SPPL2B: variants seen among roughly 807,000 people sequenced by gnomAD.
SPPL2B encodes the protein signal peptide peptidase-like 2B.
In SPPL2B, 39 loss-of-function variants were observed where a neutral mutation model predicts 59.7. The ratio of observed to expected loss-of-function variants is 0.65; its 90% CI spans 0.51 to 0.85. The LOEUF is 0.85. SPPL2B is among the 40% of genes least tolerant of loss of function. The pLI, the probability that SPPL2B is intolerant of heterozygous loss-of-function variation, is 0.00. For synonymous variants in SPPL2B, 419 were observed against 370.8 expected, an observed-to-expected ratio of 1.13 and a Z score of -1.49; for missense variants, 865 against 849.0, an observed-to-expected ratio of 1.02 and a Z score of -0.23.
At chr19:2,342,992 G>A in intron 8 of SPPL2B, 1 of 570,558 alleles carries the variant, frequency 1.8e-6, no homozygotes, top group South Asian at 2.0e-5. Context: ...TCCGCAGGGT[G>A]GGCCCTGGGG....
intron 9 of SPPL2B, among the ~76,000 whole-genome samples, 161 bp downstream of exon 9, chr19:2,343,453 T>A (rs1969173703): frequency 6.6e-6 from 1 of 152,134 alleles, no homozygotes; most frequent in Admixed American, 6.5e-5. Context: ...GCTTGAAGAT[T>A]GGGTCCCAAA....
In SPPL2B at chr19:2,343,823, G is replaced by A. The variant is rs550239298; in HGVS notation, c.1039-142G>A. 101 of 634,288 alleles carry A rather than the reference G, an allele frequency of 1.6e-4. 2 individuals are homozygous for A. The South Asian group carries it at 1.8e-3, about 11-fold the overall frequency. 39.3% of individuals were successfully genotyped at this position (634,288 alleles called of 1,614,324 possible). On this transcript the variant is annotated intron_variant, in intron 9 of 14. Coordinates refer to ENST00000613503, the MANE Select transcript of SPPL2B (RefSeq NM_152988.3). ...ATGTTGCTTCCAAAGCTCCTCCTGC[G>A]TGGTGCGTCCCTGGCACTGGGCACG...
chr19:2,340,562 A>C, intron 7 of SPPL2B: 1 of 557,846 alleles, frequency 1.8e-6, no homozygotes, highest in Non-Finnish European at 3.3e-6. Context: ...TGGGTCTAGG[A>C]AGCGGGGCTA....
At chr19:2,343,147 G>A in intron 8 of SPPL2B, 64 bp from the exon 9 acceptor site, 1 of 1,345,172 alleles carries the variant, frequency 7.4e-7, no homozygotes, top group Non-Finnish European at 1.0e-6. Context: ...GTGGCTCGTG[G>A]GAGGCGGCGT....
In SPPL2B at chr19:2,353,364, C is replaced by A; in HGVS notation, c.*155C>A. ...ACATGGTGCTCATCCTTGCCGAGAC[C>A]CCTGCGGTCTGTGCCCGCGCCCAGC... On this transcript the variant is annotated 3_prime_UTR_variant, in exon 15 of 15. Coordinates refer to ENST00000613503, the MANE Select transcript of SPPL2B (RefSeq NM_152988.3). 1.0e-6 allele frequency: 1 copy of A among 967,900 alleles called. No individual in the cohort carries two copies. The highest frequency in any genetic ancestry group is 1.5e-6 in the Non-Finnish European group (1 of 676,868). 60.0% of individuals were successfully genotyped at this position (967,900 alleles called of 1,614,324 possible).
At position 2,336,447 on chromosome 19, in the gene SPPL2B, C is replaced by T. The variant is rs537046638; in HGVS notation, c.187-996C>T. On this transcript the variant is annotated intron_variant, in intron 2 of 14. Transcript: ENST00000613503. The stretch of plus-strand genomic sequence containing the variant: ...GGTTTGTGTGTGGATGTGTATGTGC[C>T]TGTGTGTTTGGGTTCGTGTGTGTGC... Among the ~76,000 whole-genome samples the T allele has an allele frequency of 2.0e-5, 3 of 150,956 alleles. No individual in the cohort carries two copies. The South Asian group carries it at 6.3e-4, about 32-fold the overall frequency.
At chr19:2,352,559 G>A (rs1969985576) in intron 14 of SPPL2B, among the ~76,000 whole-genome samples, 1 of 152,152 alleles carries the variant, frequency 6.6e-6, no homozygotes, top group Non-Finnish European at 1.5e-5. Flanking sequence ...CCTGAGACCA[G>A]GCCCCAGGGA....
chr19:2,348,190 T>C (rs79538452), intron 13 of SPPL2B, among the ~76,000 whole-genome samples: 44 of 86,532 alleles, frequency 5.1e-4, no homozygotes, highest in Admixed American at 2.4e-3. Context: ...TCTCATTCGC[T>C]TGATTCCGTT....
intron 14 of SPPL2B, among the ~76,000 whole-genome samples, chr19:2,351,840 G>A (rs1969943866): frequency 6.6e-6 from 1 of 151,144 alleles, no homozygotes. Context: ...GGACGCGGGG[G>A]TGCCGGGTGG....
rs773675417 is a variant in SPPL2B at position 2,353,014 on chromosome 19, C to T, written c.1584C>T (p.Ala528=). 8.7e-6 allele frequency: 14 copies of T among 1,612,046 alleles called. No individual in the cohort carries two copies. Among genetic ancestry groups the T allele is most frequent in the Admixed American group, 3.3e-5 (2 of 59,944 alleles). ...ADGPQPPKDS[A]TPLSPQPPSE... The stretch of plus-strand genomic sequence containing the variant: ...GCCCGCAGCCTCCCAAAGACTCTGC[C>T]ACGCCACTCTCCCCGCAGCCGCCCA... Residue 528 remains alanine, a synonymous_variant, in exon 15 of 15, where the codon GCC becomes GCT. Transcript: ENST00000613503.
intron 1 of SPPL2B, 55 bp from the exon 2 acceptor site, chr19:2,334,547 G>A (rs1228209655): frequency 4.5e-5 from 70 of 1,558,862 alleles, no homozygotes; most frequent in Admixed American, 1.6e-4. Context: ...CTCGTGGGGC[G>A]GTGCAGCCCC....
intron 12 of SPPL2B, among the ~76,000 whole-genome samples, chr19:2,345,019 CT>C (rs1317336008): frequency 6.6e-6 from 1 of 152,140 alleles, no homozygotes; most frequent in Non-Finnish European, 1.5e-5. Context: ...CCCCAGGGTC[CT>C]GCCAGGTGTG....
rs1394701923 is a variant in SPPL2B, at chr19:2,332,007, T to A, written c.67-2595T>A. ...GGGGGCTGTGTTGGAAGGGGCACCCTCCGGGCTCGGCACCGGGGCCAGACT... is the reference window on the plus strand; with the variant it reads ...GGGGGCTGTGTTGGAAGGGGCACCCACCGGGCTCGGCACCGGGGCCAGACT... On this transcript the variant is annotated intron_variant, in intron 1 of 14. Transcript: ENST00000613503. This position sits in a 1 kb window ranked among gnomAD's most constrained non-coding sequence, Gnocchi z 4.6. Among the ~76,000 whole-genome samples, 1 of 152,216 alleles carries A rather than the reference T, an allele frequency of 6.6e-6. No homozygotes were observed. Among genetic ancestry groups the A allele is most frequent in the Admixed American group, 6.5e-5 (1 of 15,282 alleles).
intron 2 of SPPL2B, chr19:2,337,027 C>T (rs368323682): frequency 1.3e-4 from 22 of 171,060 alleles, no homozygotes; most frequent in African/African-American, 4.3e-4. Flanking sequence ...TGTGTGTGTG[C>T]GTGTGTGTCT....
At chr19:2,336,590 G>T (rs966501690) in intron 2 of SPPL2B, among the ~76,000 whole-genome samples, 8 of 151,898 alleles carry the variant, frequency 5.3e-5, no homozygotes, top group Admixed American at 2.6e-4. Context: ...GAGTGCACAG[G>T]TATGTGCTTG....
At chr19:2,343,845 C>A in intron 9 of SPPL2B, 120 bp from the exon 10 acceptor site, 1 of 709,080 alleles carries the variant, frequency 1.4e-6, no homozygotes. Flanking sequence ...TGGCACTGGG[C>A]ACGCTCTGCT....
chr19:2,339,872 C>A lies in SPPL2B; in HGVS notation c.648C>A (p.Asp216Glu), dbSNP rs370537379. ...KRDDGPEKQE[D>E]EAVDVTPVMT... ...ACGATGGGCCCGAGAAGCAGGAGGACGAGGCGGTGGACGTGACGCCGGTGA... is the reference window on the plus strand; with the variant it reads ...ACGATGGGCCCGAGAAGCAGGAGGAAGAGGCGGTGGACGTGACGCCGGTGA... Residue 216 changes from aspartate (D) to glutamate (E), a missense_variant, in exon 6 of 15, where the codon GAC becomes GAA. Transcript: ENST00000613503. 1.2e-4 allele frequency: 189 copies of A among 1,601,822 alleles called. No individual in the cohort carries two copies. Among genetic ancestry groups the A allele is most frequent in the Non-Finnish European group, 1.5e-4 (181 of 1,174,332 alleles).
chr19:2,337,050 CTG>C (rs1968690622), intron 2 of SPPL2B: 1 of 179,124 alleles, frequency 5.6e-6, no homozygotes, highest in Admixed American at 6.0e-5. Context: ...GCTTCAGGGG[CTG>C]TGAGGCCCCT....
intron 3 of SPPL2B, 170 bp downstream of exon 3, chr19:2,337,795 G>T: frequency 1.5e-6 from 1 of 669,536 alleles, no homozygotes; most frequent in Non-Finnish European, 2.4e-6. Flanking sequence ...CGGGCCGAGT[G>T]TGGCCGTGGG....
Sources: allele counts gnomAD v4.1 joint callset (sites outside exome capture counted in the v4.1 genomes callset), GRCh38; gene constraint gnomAD v4.1.1; non-coding constraint Gnocchi (gnomAD v3.1); transcripts MANE v1.5; gene names NCBI Gene and HGNC (gene_info 2026-07-23, HGNC 2026-07-21).